Variants in RANBP2 observed in about 807,000 individuals in gnomAD.
The protein encoded by RANBP2 is RAN binding protein 2, also known as E3 SUMO-protein ligase RanBP2.
Under a neutral mutation model 303.6 loss-of-function variants are expected in RANBP2, and 57 were observed. The observed-to-expected ratio is 0.19, with a 90% CI of 0.15 to 0.23. The LOEUF is 0.23. Ranked by LOEUF, RANBP2 falls within the 10% of genes least tolerant of loss-of-function variation. The pLI is 1.00. For missense variants in RANBP2, 3,138 were observed against 3,780.8 expected (o/e 0.83, Z 4.46); for synonymous variants, 1,167 against 1,301.5 (o/e 0.90, Z 2.23).
chr2:109,248,882 GTCCTT>G, the RANBP2 span, among the ~76,000 whole-genome samples: 81 of 57,486 alleles, frequency 1.4e-3, no homozygotes, highest in African/African-American at 3.5e-3. Flanking sequence ...TTCCTTTCCT[GTCCTT>G]TCCTGTCCTG....
the RANBP2 span, among the ~76,000 whole-genome samples, chr2:109,778,225 C>T: frequency 7.3e-6 from 1 of 136,904 alleles, no homozygotes; most frequent in Non-Finnish European, 1.6e-5. Flanking sequence ...AGTGTAAGGC[C>T]CTAGGGTTGA....
chr2:108,969,952 T>C, the RANBP2 span, among the ~76,000 whole-genome samples: 1 of 152,230 alleles, frequency 6.6e-6, no homozygotes, highest in Non-Finnish European at 1.5e-5. Context: ...CTCAGATTTC[T>C]TTAAACACAG....
At chr2:109,212,172 G>A in the RANBP2 span, among the ~76,000 whole-genome samples, 78 of 152,278 alleles carry the variant, frequency 5.1e-4, 2 homozygotes, top group African/African-American at 1.5e-3. Context: ...GCTTCTGGAT[G>A]ACTTGTCAGG....
the RANBP2 span, among the ~76,000 whole-genome samples, chr2:108,813,460 C>A: frequency 2.0e-5 from 3 of 151,972 alleles, no homozygotes; most frequent in Non-Finnish European, 2.9e-5. Context: ...TATTATATTT[C>A]AGCAGTGTTT....
chr2:109,557,036 C>T, the RANBP2 span, among the ~76,000 whole-genome samples: 3 of 151,664 alleles, frequency 2.0e-5, no homozygotes, highest in East Asian at 5.8e-4. Context: ...TGGGGAGAGG[C>T]GGGAGGGATA....
chr2:109,647,588 C>G, the RANBP2 span, among the ~76,000 whole-genome samples: 1 of 147,224 alleles, frequency 6.8e-6, no homozygotes, highest in Non-Finnish European at 1.5e-5. Context: ...CCTGCCCCAG[C>G]CTCCCTAGTA....
chr2:108,931,162 G>A, the RANBP2 span: 1 of 775,350 alleles, frequency 1.3e-6, no homozygotes, highest in Non-Finnish European at 2.3e-6. Context: ...CATCCTAAAA[G>A]AAAAGCAGAC....
the RANBP2 span, among the ~76,000 whole-genome samples, chr2:109,438,211 AG>A: frequency 6.6e-6 from 1 of 152,186 alleles, no homozygotes; most frequent in Non-Finnish European, 1.5e-5. Context: ...AAGGGGTGGG[AG>A]GTAAGTGTCT....
At chr2:109,439,501 C>T in the RANBP2 span, among the ~76,000 whole-genome samples, 4 of 152,210 alleles carry the variant, frequency 2.6e-5, no homozygotes, top group Admixed American at 6.5e-5. Context: ...CAGACCCCAA[C>T]CCCGATGGGT....
intron 18 of RANBP2, among the ~76,000 whole-genome samples, chr2:108,761,105 G>T (rs1676701759): frequency 6.7e-6 from 1 of 149,114 alleles, no homozygotes; most frequent in Non-Finnish European, 1.5e-5. Flanking sequence ...TTCAGACTAA[G>T]ATTTTTTTTT....
At chr2:109,493,986 GCTGC>G in the RANBP2 span, among the ~76,000 whole-genome samples, 1 of 152,128 alleles carries the variant, frequency 6.6e-6, no homozygotes, top group African/African-American at 2.4e-5. Flanking sequence ...ACCAACACCT[GCTGC>G]CTGTGTTTTC....
chr2:108,958,106 G>A, the RANBP2 span, among the ~76,000 whole-genome samples: 6 of 152,108 alleles, frequency 3.9e-5, no homozygotes, highest in East Asian at 7.7e-4. Flanking sequence ...CTAAACGAAC[G>A]CACACACCCC....
the RANBP2 span, among the ~76,000 whole-genome samples, chr2:109,505,084 C>G: frequency 6.6e-6 from 1 of 152,222 alleles, no homozygotes; most frequent in African/African-American, 2.4e-5. Flanking sequence ...TTACCCTTGT[C>G]TCTCTGGCCC....
the RANBP2 span, among the ~76,000 whole-genome samples, chr2:108,982,851 T>C: frequency 6.6e-6 from 1 of 152,170 alleles, no homozygotes; most frequent in Non-Finnish European, 1.5e-5. Flanking sequence ...AACTAGGACA[T>C]TGGCGGGGTT....
At chr2:109,630,593 C>T in the RANBP2 span, among the ~76,000 whole-genome samples, 1 of 152,186 alleles carries the variant, frequency 6.6e-6, no homozygotes, top group African/African-American at 2.4e-5. Flanking sequence ...CTGTGTAGCG[C>T]GGCATGCCTC....
chr2:108,739,765 T>C (rs1175261987), intron 6 of RANBP2, among the ~76,000 whole-genome samples: 1 of 152,136 alleles, frequency 6.6e-6, no homozygotes, highest in Non-Finnish European at 1.5e-5. Flanking sequence ...GTGGGTGGAT[T>C]GTGAGGTCAG....
chr2:109,343,974 C>T, the RANBP2 span, among the ~76,000 whole-genome samples: 1 of 152,194 alleles, frequency 6.6e-6, no homozygotes, highest in Admixed American at 6.5e-5. Flanking sequence ...AAACTCCTGG[C>T]CTCAAGTGAT....
chr2:109,299,671 A>G, the RANBP2 span, among the ~76,000 whole-genome samples: 1 of 152,212 alleles, frequency 6.6e-6, no homozygotes, highest in Non-Finnish European at 1.5e-5. Context: ...TGCCGAACCT[A>G]AAAGCCAGTT....
intron 6 of RANBP2, among the ~76,000 whole-genome samples, chr2:108,739,810 C>T (rs9973850): frequency 0.045 from 6,907 of 152,046 alleles, 536 homozygotes; most frequent in African/African-American, 0.15. Flanking sequence ...GTAGTGAAAC[C>T]CTGTCTCTAC....
Sources: allele counts gnomAD v4.1 joint callset (sites outside exome capture counted in the v4.1 genomes callset), GRCh38; gene constraint gnomAD v4.1.1; transcripts MANE v1.5; gene names NCBI Gene and HGNC (gene_info 2026-07-23, HGNC 2026-07-21).